MDFIC2: variants seen among roughly 807,000 people sequenced by gnomAD.
MDFIC2 encodes myoD family inhibitor domain-containing protein 2.
chr3:70,244,032 T>C (rs1379267663), intron 2 of MDFIC2, among the ~76,000 whole-genome samples: 2 of 152,198 alleles, frequency 1.3e-5, no homozygotes, highest in Non-Finnish European at 2.9e-5. Flanking sequence ...GACTCACATA[T>C]GGAAGATTCT....
chr3:70,222,565 T>C (rs919484913), intron 2 of MDFIC2, among the ~76,000 whole-genome samples: 2 of 152,118 alleles, frequency 1.3e-5, no homozygotes, highest in South Asian at 4.1e-4. Flanking sequence ...CCAAATAAAT[T>C]TGAAGAGACT....
intron 2 of MDFIC2, among the ~76,000 whole-genome samples, chr3:70,247,194 G>A (rs1201142157): frequency 6.6e-6 from 1 of 151,790 alleles, no homozygotes; most frequent in Non-Finnish European, 1.5e-5. Context: ...ACTTCCCTGT[G>A]TTTTCAGACA....
intron 2 of MDFIC2, among the ~76,000 whole-genome samples, chr3:70,219,834 G>T (rs1307205461): frequency 1.3e-5 from 2 of 152,034 alleles, no homozygotes; most frequent in Non-Finnish European, 2.9e-5. Context: ...CAAACTCAAA[G>T]GTCAGAACAT....
chr3:70,254,738 A>T (rs1701799160), intron 2 of MDFIC2, among the ~76,000 whole-genome samples: 1 of 152,204 alleles, frequency 6.6e-6, no homozygotes, highest in South Asian at 2.1e-4. Flanking sequence ...GACGCACTCT[A>T]CTCAATAGAG....
intron 2 of MDFIC2, among the ~76,000 whole-genome samples, chr3:70,261,875 A>G (rs1029323016): frequency 6.6e-6 from 1 of 152,116 alleles, no homozygotes; most frequent in African/African-American, 2.4e-5. Flanking sequence ...GGGGTTTGTT[A>G]TCCAAGAAGA....
At chr3:70,257,252 C>T (rs1318249306) in intron 2 of MDFIC2, among the ~76,000 whole-genome samples, 1 of 152,196 alleles carries the variant, frequency 6.6e-6, no homozygotes, top group Non-Finnish European at 1.5e-5. Flanking sequence ...AAACCTGGCA[C>T]ATCTGGCCAT....
chr3:70,281,388 A>G (rs972432894), intron 2 of MDFIC2, among the ~76,000 whole-genome samples: 3 of 152,136 alleles, frequency 2.0e-5, no homozygotes, highest in Non-Finnish European at 4.4e-5. Context: ...TACGATCATA[A>G]GCTTCAGAAT....
intron 2 of MDFIC2, among the ~76,000 whole-genome samples, chr3:70,306,469 A>C (rs961098623): frequency 6.6e-6 from 1 of 152,064 alleles, no homozygotes; most frequent in Non-Finnish European, 1.5e-5. Context: ...TACAGAAAAG[A>C]AGCTATACTT....
chr3:70,233,228 G>C (rs906174494), intron 2 of MDFIC2, among the ~76,000 whole-genome samples: 3 of 152,130 alleles, frequency 2.0e-5, no homozygotes, highest in Non-Finnish European at 4.4e-5. Flanking sequence ...GTGTAGGAAA[G>C]AGTCATAATT....
At chr3:70,254,810 C>T (rs1484388693) in intron 2 of MDFIC2, among the ~76,000 whole-genome samples, 1 of 152,150 alleles carries the variant, frequency 6.6e-6, no homozygotes, top group Non-Finnish European at 1.5e-5. Context: ...TTCTTCTATA[C>T]AAGATTTATG....
intron 2 of MDFIC2, among the ~76,000 whole-genome samples, chr3:70,250,743 T>C (rs1701757399): frequency 6.6e-6 from 1 of 152,184 alleles, no homozygotes; most frequent in African/African-American, 2.4e-5. Context: ...TGGAAGCATC[T>C]TGCAATTTGG....
At chr3:70,207,929 A>G (rs1701307360) in intron 2 of MDFIC2, among the ~76,000 whole-genome samples, 1 of 152,024 alleles carries the variant, frequency 6.6e-6, no homozygotes, top group African/African-American at 2.4e-5. Context: ...CTCTGCAACA[A>G]GCGCTGGGCT....
chr3:70,228,760 C>T (rs1415080449), intron 2 of MDFIC2, among the ~76,000 whole-genome samples: 2 of 145,144 alleles, frequency 1.4e-5, no homozygotes, highest in Admixed American at 1.4e-4. Context: ...TTTTTACTAA[C>T]AACAGTCAAG....
At chr3:70,241,891 G>A (rs1223266939) in intron 2 of MDFIC2, among the ~76,000 whole-genome samples, 1 of 152,180 alleles carries the variant, frequency 6.6e-6, no homozygotes, top group African/African-American at 2.4e-5. Flanking sequence ...TTAGAACGAA[G>A]GTTTGCCTGA....
intron 3 of MDFIC2, among the ~76,000 whole-genome samples, chr3:70,199,443 A>G (rs768500343): frequency 1.3e-5 from 2 of 151,914 alleles, no homozygotes; most frequent in Non-Finnish European, 2.9e-5. Context: ...CTACCTCCCT[A>G]TTTTGCACTT....
chr3:70,268,051 C>T (rs73102617), intron 2 of MDFIC2, among the ~76,000 whole-genome samples: 9,207 of 151,414 alleles, frequency 0.061, 343 homozygotes, highest in South Asian at 0.12. Context: ...CCTCCTCCTC[C>T]TTCTTCTCCA....
At chr3:70,233,850 G>A in intron 2 of MDFIC2, among the ~76,000 whole-genome samples, 1 of 152,124 alleles carries the variant, frequency 6.6e-6, no homozygotes, top group Non-Finnish European at 1.5e-5. Flanking sequence ...ATATTTAGTT[G>A]CATGAATATA....
chr3:70,209,665 G>C (rs140845596), intron 2 of MDFIC2, among the ~76,000 whole-genome samples: 3 of 152,156 alleles, frequency 2.0e-5, no homozygotes, highest in African/African-American at 7.2e-5. Flanking sequence ...CTTTGTGCTT[G>C]TCCTTTTCCC....
In MDFIC2 at chr3:70,288,829, G is replaced by A. The variant is rs376219265; in HGVS notation, c.88+23057C>T. On this transcript the variant is annotated intron_variant, in intron 2 of 3. Coordinates refer to ENST00000567252, the MANE Select transcript of MDFIC2 (RefSeq NM_001364677.1). ...CATTATGTAATGGCCTTCTTTGTCT[G>A]TTTTGATCTTTGTTGGTTTAAAGTC... is the stretch of plus-strand genomic sequence containing the variant. Among the ~76,000 whole-genome samples, 11 of 151,314 alleles carry A rather than the reference G, an allele frequency of 7.3e-5. No individual in the cohort carries two copies. The South Asian group carries it at 8.4e-4, about 12-fold the overall frequency.
Sources: allele counts gnomAD v4.1 joint callset (sites outside exome capture counted in the v4.1 genomes callset), GRCh38; gene constraint gnomAD v4.1.1; transcripts MANE v1.5; gene names NCBI Gene and HGNC (gene_info 2026-07-23, HGNC 2026-07-21).